The following PCDHA7 variants were observed in gnomAD, a reference collection of about 807,000 sequenced individuals.
The protein encoded by PCDHA7 is protocadherin alpha-7.
Under a neutral mutation model 57.2 loss-of-function variants are expected in PCDHA7, and 37 were observed. The observed-to-expected ratio is 0.65, with a 90% CI of 0.50 to 0.85. The LOEUF (loss-of-function observed/expected upper bound fraction) is 0.85. Among genes scored for constraint, PCDHA7 ranks in the 40% least tolerant of loss-of-function variants. The pLI, the probability that PCDHA7 is intolerant of heterozygous loss-of-function variation, is 0.00. For missense variants in PCDHA7, 1,188 were observed against 1,241.8 expected (o/e 0.96, Z 0.65); for synonymous variants, 553 against 558.8 (o/e 0.99, Z 0.15).
At chr5:140,900,673 A>T (rs936784929) in intron 1 of PCDHA7, among the ~76,000 whole-genome samples, 6 of 152,210 alleles carry the variant, frequency 3.9e-5, no homozygotes, top group African/African-American at 1.4e-4. Context: ...GAGTGCAGTT[A>T]TCTCTTCAAT....
chr5:140,916,723 T>C (rs1264644464), intron 1 of PCDHA7, among the ~76,000 whole-genome samples: 1 of 152,186 alleles, frequency 6.6e-6, no homozygotes, highest in Non-Finnish European at 1.5e-5. Context: ...GGAGTGACTT[T>C]TGTTGCTGCA....
At chr5:140,876,814 G>T (rs571648883) in intron 1 of PCDHA7, 1 of 1,614,226 alleles carries the variant, frequency 6.2e-7, no homozygotes, top group Non-Finnish European at 8.5e-7. Context: ...GGTGGCCGAC[G>T]TGAACGACAA....
intron 2 of PCDHA7, among the ~76,000 whole-genome samples, chr5:140,981,130 CAA>C (rs1267278229): frequency 6.6e-6 from 1 of 152,186 alleles, no homozygotes; most frequent in East Asian, 1.9e-4. Flanking sequence ...TGTTTGAAGT[CAA>C]AGAGTGAGAA....
In PCDHA7 at chr5:140,967,289, C is replaced by A. The variant is rs782440125; in HGVS notation, c.2356-11660C>A. ...CTTTCACATAGAGAGTGCGCAGGAC[C>A]CCGACGTGGGCGCCAACTCAGTACA... On this transcript the variant is annotated intron_variant, in intron 1 of 3. Transcript: ENST00000525929. 3 of 1,612,910 alleles carry A rather than the reference C, an allele frequency of 1.9e-6. No homozygotes were observed. The East Asian group carries it at 6.7e-5, about 36-fold the overall frequency.
At chr5:140,855,757 G>C (rs1242521250) in intron 1 of PCDHA7, 2 of 357,032 alleles carry the variant, frequency 5.6e-6, no homozygotes, top group African/African-American at 2.1e-5. Flanking sequence ...GGCTTTGAAA[G>C]TCCATAGACA....
intron 1 of PCDHA7, among the ~76,000 whole-genome samples, chr5:140,889,132 G>C (rs1338926841): frequency 6.6e-6 from 1 of 151,438 alleles, no homozygotes; most frequent in Non-Finnish European, 1.5e-5. Context: ...ATATGTCCTA[G>C]TTTTTCTTCC....
intron 1 of PCDHA7, among the ~76,000 whole-genome samples, chr5:140,923,976 A>G (rs1257687753): frequency 6.6e-6 from 1 of 152,176 alleles, no homozygotes; most frequent in Non-Finnish European, 1.5e-5. Context: ...CACACATACT[A>G]TCCCTCTAGG....
At chr5:140,865,781 A>T (rs1213634186) in intron 1 of PCDHA7, 5 of 152,208 alleles carry the variant, frequency 3.3e-5, no homozygotes, top group Non-Finnish European at 5.9e-5. Flanking sequence ...TCAAATGTGT[A>T]TCTTTCAGGC....
chr5:140,858,857 T>G (rs1461225886), intron 1 of PCDHA7: 1 of 267,642 alleles, frequency 3.7e-6, no homozygotes, highest in African/African-American at 2.3e-5. Flanking sequence ...CTATATCTCT[T>G]CAGTGAAAAT....
chr5:140,876,568 G>A (rs1302204057), intron 1 of PCDHA7: 1 of 1,614,046 alleles, frequency 6.2e-7, no homozygotes, highest in African/African-American at 1.3e-5. Context: ...TGCTCAGGTG[G>A]GTACCGTCAT....
intron 1 of PCDHA7, among the ~76,000 whole-genome samples, chr5:140,941,202 C>CCTTTCTTCCTTCCTTTCTTTCTTTCTTT (rs1394736170): frequency 4.9e-5 from 6 of 122,740 alleles, no homozygotes; most frequent in Admixed American, 1.7e-4. Context: ...TTTCTTTCTT[C>CCTTTCTTCCTTCCTTTCTTTCTTTCTTT]CTTTCTTTCT....
At chr5:140,853,209 A>G (rs1399552448) in intron 1 of PCDHA7, 10 of 983,300 alleles carry the variant, frequency 1.0e-5, no homozygotes, top group Non-Finnish European at 1.1e-5. Context: ...TGACGGCTGT[A>G]TTGATGGGAT....
At chr5:140,968,990 T>C in intron 1 of PCDHA7, 1 of 1,614,254 alleles carries the variant, frequency 6.2e-7, no homozygotes, top group Non-Finnish European at 8.5e-7. Flanking sequence ...CACTGCATGC[T>C]GTGGAGGCTT....
rs567637148 is a variant in PCDHA7, at chr5:140,861,555, G to A, written c.2355+24817G>A. The A allele has an allele frequency of 2.5e-5, 10 of 403,260 alleles. No individual in the cohort carries two copies. The East Asian group carries it at 5.2e-4, about 21-fold the overall frequency. 25.0% of individuals were successfully genotyped at this position (403,260 alleles called of 1,614,324 possible). ...GTGCAGCATCCACCTGGAAGTGATC[G>A]TGGACAAGCTGCTACAGGTTTTCCA... On this transcript the variant is annotated intron_variant, in intron 1 of 3. Transcript: ENST00000525929.
intron 1 of PCDHA7, among the ~76,000 whole-genome samples, chr5:140,972,039 C>A (rs1274808907): frequency 2.6e-5 from 4 of 152,150 alleles, no homozygotes; most frequent in African/African-American, 9.7e-5. Context: ...TTTAAGCTAT[C>A]ACTAATTCAC....
intron 1 of PCDHA7, among the ~76,000 whole-genome samples, chr5:140,871,977 C>T (rs533366368): frequency 6.6e-6 from 1 of 152,288 alleles, no homozygotes; most frequent in East Asian, 1.9e-4. Flanking sequence ...CTATGATGTC[C>T]AGGTTGGACT....
intron 1 of PCDHA7, among the ~76,000 whole-genome samples, chr5:140,955,373 T>C (rs2338310): frequency 0.011 from 1,717 of 152,252 alleles, 30 homozygotes; most frequent in African/African-American, 0.038. Context: ...TGGGAGGTAA[T>C]TGAATCATGG....
intron 1 of PCDHA7, among the ~76,000 whole-genome samples, chr5:140,903,075 C>T (rs2069986128): frequency 6.6e-6 from 1 of 152,114 alleles, no homozygotes; most frequent in Non-Finnish European, 1.5e-5. Flanking sequence ...TGGGTAGATA[C>T]CTGATAGTGG....
intron 1 of PCDHA7, among the ~76,000 whole-genome samples, chr5:140,972,289 G>A (rs548610825): frequency 1.5e-3 from 229 of 151,134 alleles, no homozygotes; most frequent in Non-Finnish European, 2.1e-3. Flanking sequence ...ATAGATGTGC[G>A]CCACCGTGTC....
Sources: gnomAD v4.1 joint callset for allele counts (sites outside exome capture counted in the v4.1 genomes callset) on GRCh38, gnomAD v4.1.1 for gene constraint, MANE v1.5 for transcripts, NCBI Gene and HGNC (gene_info 2026-07-23, HGNC 2026-07-21) for gene names.